ABCC4: variants seen among roughly 807,000 people sequenced by gnomAD.
ABCC4 encodes ATP binding cassette subfamily C member 4 (PEL blood group), also known as ATP-binding cassette sub-family C member 4.
In ABCC4, 102 loss-of-function variants were observed where a neutral mutation model predicts 168.5. That is an observed-to-expected ratio of 0.61 (90% CI 0.52 to 0.71). The LOEUF is 0.71. Among genes scored for constraint, ABCC4 ranks in the 30% least tolerant of loss-of-function variants. The pLI, the probability that ABCC4 is intolerant of heterozygous loss-of-function variation, is 0.00. For missense variants in ABCC4, 1,402 were observed against 1,605.8 expected (o/e 0.87, Z 2.17); for synonymous variants, 617 against 590.7 (o/e 1.04, Z -0.65).
intron 27 of ABCC4, among the ~76,000 whole-genome samples, chr13:95,048,580 G>T (rs2032692852): frequency 6.6e-6 from 1 of 152,236 alleles, no homozygotes; most frequent in African/African-American, 2.4e-5. Flanking sequence ...CCCATTCTGG[G>T]CAATACAGGC....
At chr13:95,047,630 C>A (rs916475779) in intron 27 of ABCC4, among the ~76,000 whole-genome samples, 1 of 151,872 alleles carries the variant, frequency 6.6e-6, no homozygotes, top group African/African-American at 2.4e-5. Context: ...CAGGTGCATA[C>A]CACCACACCT....
At chr13:95,128,995 T>C (rs530906289) in intron 19 of ABCC4, among the ~76,000 whole-genome samples, 36 of 152,310 alleles carry the variant, frequency 2.4e-4, no homozygotes, top group African/African-American at 7.9e-4. Flanking sequence ...TTGCCTACAC[T>C]AGCAATATAA....
intron 1 of ABCC4, among the ~76,000 whole-genome samples, chr13:95,250,514 G>C (rs1480798080): frequency 1.3e-5 from 2 of 152,096 alleles, no homozygotes; most frequent in Non-Finnish European, 2.9e-5. Flanking sequence ...ATGATCTAGG[G>C]TAAAATTCAA....
At chr13:95,068,524 C>A (rs375510957) in intron 25 of ABCC4, among the ~76,000 whole-genome samples, 2 of 126,718 alleles carry the variant, frequency 1.6e-5, no homozygotes, top group Admixed American at 8.6e-5. Context: ...ACTCGGGAGG[C>A]TGAGGCAGGA....
chr13:95,118,956 G>C (rs541955175), intron 19 of ABCC4, among the ~76,000 whole-genome samples: 7 of 152,316 alleles, frequency 4.6e-5, no homozygotes, highest in Admixed American at 4.6e-4. Flanking sequence ...ACTTCTCACA[G>C]GCACCTATCC....
At chr13:95,181,877 C>CG (rs1429506399) in intron 11 of ABCC4, among the ~76,000 whole-genome samples, 1 of 152,136 alleles carries the variant, frequency 6.6e-6, no homozygotes, top group Admixed American at 6.5e-5. Context: ...ACTCAGAACT[C>CG]GAAGTCTCTC....
In ABCC4 at chr13:95,206,783, TGAAA is replaced by T; in HGVS notation, c.912-6_912-3del. ...CTCAGAATCTTGGAAATCTCCTTCCTGAAAGAGAGTACAGGTTTTTAAAAAAGCA... is the reference window on the plus strand; with the variant it reads ...CTCAGAATCTTGGAAATCTCCTTCCTGAGAGTACAGGTTTTTAAAAAAGCA... On this transcript the variant is annotated splice_polypyrimidine_tract_variant and splice_region_variant and intron_variant, in intron 7 of 30. Transcript: ENST00000645237. 1.2e-6 allele frequency: 2 copies of T among 1,613,974 alleles called. No homozygotes were observed. The highest frequency in any genetic ancestry group is 1.1e-5 in the South Asian group (1 of 91,068).
At position 95,301,381 on chromosome 13, in the gene ABCC4, T is replaced by C; in HGVS notation, c.-67A>G. The C allele has an allele frequency of 7.1e-7, 1 of 1,399,944 alleles. No individual in the cohort carries two copies. Among genetic ancestry groups the C allele is most frequent in the Non-Finnish European group, 9.7e-7 (1 of 1,035,580 alleles). The allele number at this position is 1,399,944 out of a possible 1,614,324, so 86.7% of individuals were successfully genotyped here. A position where few individuals can be genotyped will look rare whatever the true frequency, so the allele number is the denominator to read the frequency against. On this transcript the variant is annotated 5_prime_UTR_variant, in exon 1 of 31. Coordinates refer to ENST00000645237, the MANE Select transcript of ABCC4 (RefSeq NM_005845.5). Reference sequence around the variant, plus strand: ...AGGCGGCGGTGGCCGCGGGCTCCGCTCCTGGACCTCAAGCAGGGATGCTGG... The same window carrying C: ...AGGCGGCGGTGGCCGCGGGCTCCGCCCCTGGACCTCAAGCAGGGATGCTGG...
chr13:95,047,876 T>G (rs923878491), intron 27 of ABCC4, among the ~76,000 whole-genome samples: 1 of 152,208 alleles, frequency 6.6e-6, no homozygotes, highest in Non-Finnish European at 1.5e-5. Context: ...ATATTACATA[T>G]GCATTTTCTT....
chr13:95,205,756 C>T (rs1010120599), intron 8 of ABCC4, among the ~76,000 whole-genome samples: 2 of 152,204 alleles, frequency 1.3e-5, no homozygotes, highest in African/African-American at 2.4e-5. Flanking sequence ...CAGGTCGCTA[C>T]GGCAGAGCCC....
chr13:95,146,318 G>C (rs1378212799), intron 19 of ABCC4, among the ~76,000 whole-genome samples: 1 of 151,990 alleles, frequency 6.6e-6, no homozygotes, highest in Non-Finnish European at 1.5e-5. Context: ...CTCATTACCT[G>C]GGTGACAAAA....
At chr13:95,101,196 G>A (rs1007768759) in intron 20 of ABCC4, among the ~76,000 whole-genome samples, 1 of 152,034 alleles carries the variant, frequency 6.6e-6, no homozygotes, top group African/African-American at 2.4e-5. Context: ...TCATAAAGCT[G>A]CAGTCAATGT....
chr13:95,287,162 G>T (rs1291170689), intron 1 of ABCC4, among the ~76,000 whole-genome samples: 1 of 151,860 alleles, frequency 6.6e-6, no homozygotes, highest in Non-Finnish European at 1.5e-5. Context: ...GCCCGGTATG[G>T]TAGCACATGC....
intron 19 of ABCC4, among the ~76,000 whole-genome samples, chr13:95,141,388 C>T (rs2036311765): frequency 6.6e-6 from 1 of 152,024 alleles, no homozygotes; most frequent in African/African-American, 2.4e-5. Flanking sequence ...GGTGTTTTTG[C>T]CCAAAATTTG....
rs574012843 is a variant in ABCC4, at chr13:95,206,408, G to A, written c.1161+124C>T. 176 of 1,281,638 alleles carry A rather than the reference G, an allele frequency of 1.4e-4. No homozygotes were observed. The South Asian group carries it at 2.4e-3, about 17-fold the overall frequency. 79.4% of individuals were successfully genotyped at this position (1,281,638 alleles called of 1,614,324 possible). ...GAAGTACACACAACATTCTGGAATG[G>A]CGGCACGTTTTGGTTATGAGAGAGT... On this transcript the variant is annotated intron_variant, in intron 8 of 30. Coordinates refer to ENST00000645237, the MANE Select transcript of ABCC4 (RefSeq NM_005845.5).
intron 4 of ABCC4, among the ~76,000 whole-genome samples, chr13:95,233,871 A>G (rs1387147685): frequency 6.6e-6 from 1 of 152,204 alleles, no homozygotes. Context: ...CATAAAATAG[A>G]AACACTATAA....
chr13:95,090,766 C>G (rs1386670495), intron 20 of ABCC4, among the ~76,000 whole-genome samples: 1 of 152,042 alleles, frequency 6.6e-6, no homozygotes, highest in Non-Finnish European at 1.5e-5. Flanking sequence ...AGCAATGGAT[C>G]CAAACTGAGA....
intron 19 of ABCC4, among the ~76,000 whole-genome samples, chr13:95,130,753 G>A (rs1231133431): frequency 1.3e-5 from 2 of 152,160 alleles, no homozygotes; most frequent in South Asian, 2.1e-4. Flanking sequence ...CTTTGGTTGC[G>A]ATGGAGAATG....
At chr13:95,102,060 G>A (rs1480917263) in intron 20 of ABCC4, among the ~76,000 whole-genome samples, 1 of 152,176 alleles carries the variant, frequency 6.6e-6, no homozygotes, top group Non-Finnish European at 1.5e-5. Context: ...GAGAAGGTAA[G>A]CGGTAGAGCT....
Sources: gnomAD v4.1 joint callset for allele counts (sites outside exome capture counted in the v4.1 genomes callset) on GRCh38, gnomAD v4.1.1 for gene constraint, MANE v1.5 for transcripts, NCBI Gene and HGNC (gene_info 2026-07-23, HGNC 2026-07-21) for gene names.